VWA3A: variants seen among roughly 807,000 people sequenced by gnomAD.
The protein encoded by VWA3A is von Willebrand factor A domain-containing protein 3A.
Under a neutral mutation model 160.4 loss-of-function variants are expected in VWA3A, and 134 were observed. The observed-to-expected ratio is 0.84, with a 90% CI of 0.73 to 0.96. The LOEUF (loss-of-function observed/expected upper bound fraction) is 0.96, where lower values mean the gene tolerates loss of function less well. Among genes scored for constraint, VWA3A ranks in the 40% least tolerant of loss-of-function variants. The pLI is 0.00. For synonymous variants in VWA3A, 476 were observed against 543.4 expected (o/e 0.88, Z 1.72); for missense variants, 1,310 against 1,447.9 (o/e 0.90, Z 1.55).
At chr16:22,139,471 G>A (rs1461815117) in intron 22 of VWA3A, among the ~76,000 whole-genome samples, 1 of 152,090 alleles carries the variant, frequency 6.6e-6, no homozygotes, top group African/African-American at 2.4e-5. Context: ...CAAGGCAGGC[G>A]GATCATGAGG....
intron 6 of VWA3A, among the ~76,000 whole-genome samples, chr16:22,108,123 G>A (rs561489415): frequency 6.6e-6 from 1 of 152,338 alleles, no homozygotes; most frequent in South Asian, 2.1e-4. Context: ...CAGAGGAATA[G>A]GAAGGTGAGA....
chr16:22,121,666 T>C (rs559659903), intron 14 of VWA3A, 49 bp downstream of exon 14: 2 of 1,459,276 alleles, frequency 1.4e-6, no homozygotes, highest in Non-Finnish European at 1.9e-6. Context: ...AGAGCTCCCT[T>C]GTGGCTTTTC....
Position 22,148,289 on chromosome 16 carries a change from G to A in VWA3A, c.2967G>A (p.Leu989=). The A allele has an allele frequency of 1.3e-6, 2 of 1,596,602 alleles. No homozygotes were observed. Among genetic ancestry groups the A allele is most frequent in the Non-Finnish European group, 1.7e-6 (2 of 1,171,786 alleles). Residue 989 remains leucine, a synonymous_variant, in exon 28 of 34, where the codon CTG becomes CTA. Transcript: ENST00000389398. ...TGGTTTTGCTGATTTGGGAACAGCT[G>A]CGGAAGTGCTGTGACAGGTAGGAGG... ...TELVLLIWEQ[L]RKCCDSFNLL...
chr16:22,156,215 C>A lies in VWA3A; in HGVS notation c.*198C>A. 1 of 391,690 alleles carries A rather than the reference C, an allele frequency of 2.6e-6. No individual in the cohort carries two copies. Among genetic ancestry groups the A allele is most frequent in the Non-Finnish European group, 4.7e-6 (1 of 214,746 alleles). 24.3% of individuals were successfully genotyped at this position (391,690 alleles called of 1,614,324 possible). A position where few individuals can be genotyped will look rare whatever the true frequency, so the allele number is the denominator to read the frequency against. On this transcript the variant is annotated 3_prime_UTR_variant, in exon 34 of 34. Transcript: ENST00000389398. ...CCGGGTCTTAATCTAACTCTCCAGC[C>A]CTGTCCCGCAGCGCACTCTACTCTC... is the stretch of plus-strand genomic sequence containing the variant.
rs145156720 is a variant in VWA3A, at chr16:22,126,788, G to A, written c.1652+491G>A. On this transcript the variant is annotated intron_variant, in intron 17 of 33. Transcript: ENST00000389398. ...CTTGGGAGGCCGAGACAGGAGGATC[G>A]CTTGCATCCAGGAGTTTGAGACCAG... 6.6e-5 allele frequency among the ~76,000 whole-genome samples: 10 copies of A among 152,060 alleles called. No homozygotes were observed. In the East Asian group the frequency reaches 7.7e-4, roughly 12 times the overall value.
intron 9 of VWA3A, chr16:22,116,253 GAAGA>G (rs941102821): frequency 5.0e-5 from 20 of 403,070 alleles, no homozygotes; most frequent in Non-Finnish European, 9.4e-5. Context: ...AGGAAAGATG[GAAGA>G]GAGAGAAAGA....
intron 14 of VWA3A, 133 bp from the exon 15 acceptor site, chr16:22,122,952 G>A (rs1298907539): frequency 1.5e-6 from 1 of 682,978 alleles, no homozygotes; most frequent in Non-Finnish European, 2.6e-6. Context: ...ATGTGGGAGG[G>A]AGTTCGATCC....
intron 13 of VWA3A, 63 bp from the exon 14 acceptor site, chr16:22,121,451 T>A (rs962087455): frequency 7.4e-7 from 1 of 1,350,056 alleles, no homozygotes; most frequent in Non-Finnish European, 1.1e-6. Context: ...CTCAAAAAAA[T>A]AAAAGGCTTG....
rs1260432580 is a variant in VWA3A, at chr16:22,146,428, C to T, written c.2839+84C>T. ...CCCAGGGACCCCAGTGTCAGTCCTT[C>T]CAAAGCCAGGCCTTCAAGAACTGCA... On this transcript the variant is annotated intron_variant, in intron 27 of 33. Coordinates refer to ENST00000389398, the MANE Select transcript of VWA3A (RefSeq NM_173615.5). 3.4e-6 allele frequency: 4 copies of T among 1,177,852 alleles called. No individual in the cohort carries two copies. The East Asian group carries it at 1.0e-4, about 30-fold the overall frequency. The allele number at this position is 1,177,852 out of a possible 1,614,324, so 73.0% of individuals were successfully genotyped here.
chr16:22,111,078 T>G, intron 8 of VWA3A, 84 bp downstream of exon 8: 1 of 1,219,128 alleles, frequency 8.2e-7, no homozygotes, highest in Non-Finnish European at 1.1e-6. Context: ...ATAATTCAAC[T>G]GCAAACCCCA....
chr16:22,100,231 AG>A lies in VWA3A; in HGVS notation c.265del (p.Asp89ThrfsTer11). 1 of 1,550,542 alleles carries A rather than the reference AG, an allele frequency of 6.4e-7. No individual in the cohort carries two copies. Among genetic ancestry groups the A allele is most frequent in the South Asian group, 1.2e-5 (1 of 83,966 alleles). The part of the protein sequence containing the change: ...QGSETQSSDW[E>X]DSEDWLSAHS... Reference sequence around the variant, plus strand: ...AGTGAGACCCAGTCTTCAGATTGGGAGGACTCTGAAGACTGGCTTTCGGCTC... The same window carrying A: ...AGTGAGACCCAGTCTTCAGATTGGGAGACTCTGAAGACTGGCTTTCGGCTC... On this transcript the variant is annotated frameshift_variant, in exon 4 of 34. Transcript: ENST00000389398. LOFTEE classifies it high-confidence loss of function.
intron 17 of VWA3A, among the ~76,000 whole-genome samples, chr16:22,129,701 G>A (rs546333516): frequency 5.3e-5 from 8 of 152,192 alleles, no homozygotes; most frequent in African/African-American, 1.7e-4. Context: ...TGCAGGGATC[G>A]CACCTGTGGA....
chr16:22,140,264 A>C lies in VWA3A; in HGVS notation c.2383+20A>C. The C allele has an allele frequency of 6.2e-7, 1 of 1,611,304 alleles. No homozygotes were observed. On this transcript the variant is annotated intron_variant, in intron 23 of 33. Transcript: ENST00000389398. ...CACCAGGTAAGGCACCATCACGGTC[A>C]GGCAGGGTGGAGGGATGTCACGGTC...
intron 8 of VWA3A, among the ~76,000 whole-genome samples, chr16:22,112,473 C>G (rs2045566881): frequency 6.6e-6 from 1 of 152,168 alleles, no homozygotes; most frequent in Non-Finnish European, 1.5e-5. Context: ...AATCCCAGGA[C>G]TTCGGGAGGC....
intron 28 of VWA3A, 38 bp downstream of exon 28, chr16:22,148,344 A>T (rs1441772169): frequency 3.2e-6 from 5 of 1,562,140 alleles, no homozygotes; most frequent in Non-Finnish European, 4.3e-6. Context: ...TCAAAGGGGC[A>T]GTTCCTGGGG....
rs2045388639 is a variant in VWA3A at position 22,100,305 on chromosome 16, G to A, written c.337G>A (p.Gly113Ser). The A allele has an allele frequency of 2.6e-6, 4 of 1,551,422 alleles. No individual in the cohort carries two copies. In the South Asian group the frequency reaches 4.8e-5, roughly 18 times the overall value. Reference sequence around the variant, plus strand: ...CACCTTGGCTGACCTGATAAGCCAGGGCACAGAAGTGCTGTAAGTCTGAAG... The same window carrying A: ...CACCTTGGCTGACCTGATAAGCCAGAGCACAGAAGTGCTGTAAGTCTGAAG... ...KLTLADLISQ[G>S]TEVLEEGTNV... Residue 113 changes from glycine to serine, a missense_variant, in exon 4 of 34, where the codon GGC becomes AGC. Coordinates refer to ENST00000389398, the MANE Select transcript of VWA3A (RefSeq NM_173615.5).
At chr16:22,155,783 G>A (rs1317839274) in intron 32 of VWA3A, 68 bp from the exon 33 acceptor site, 2 of 1,610,892 alleles carry the variant, frequency 1.2e-6, no homozygotes, top group African/African-American at 1.3e-5. Context: ...TTCCTGCCCT[G>A]CTTCTCCCAG....
intron 16 of VWA3A, 54 bp downstream of exon 16, chr16:22,123,761 C>T: frequency 6.7e-7 from 1 of 1,486,938 alleles, no homozygotes; most frequent in Non-Finnish European, 9.2e-7. Context: ...TGTGACGTGA[C>T]ATTTATCCGC....
At chr16:22,119,471 G>A (rs2045698692) in intron 12 of VWA3A, among the ~76,000 whole-genome samples, 1 of 152,168 alleles carries the variant, frequency 6.6e-6, no homozygotes, top group Admixed American at 6.5e-5. Context: ...AGGCATTCAA[G>A]ACCAGCCTGA....
Sources: allele counts gnomAD v4.1 joint callset (sites outside exome capture counted in the v4.1 genomes callset), GRCh38; gene constraint gnomAD v4.1.1; transcripts MANE v1.5; gene names NCBI Gene and HGNC (gene_info 2026-07-23, HGNC 2026-07-21).